The following SGSM1 variants were observed in gnomAD, a reference collection of about 807,000 sequenced individuals.
SGSM1 encodes the protein RUN and TBC1 domain containing 2.
Under a neutral mutation model 133.8 loss-of-function variants are expected in SGSM1, and 73 were observed. The observed-to-expected ratio is 0.55, with a 90% CI of 0.45 to 0.66. The LOEUF (loss-of-function observed/expected upper bound fraction) is 0.66. Among genes scored for constraint, SGSM1 ranks in the 30% least tolerant of loss-of-function variants. SGSM1 has a pLI of 0.00. For synonymous variants in SGSM1, 563 were observed against 573.0 expected, an observed-to-expected ratio of 0.98 and a Z score of 0.25; for missense variants, 1,213 against 1,448.1, an observed-to-expected ratio of 0.84 and a Z score of 2.64.
intron 9 of SGSM1, among the ~76,000 whole-genome samples, chr22:24,865,760 C>T (rs139712): frequency 0.073 from 11,097 of 151,814 alleles, 641 homozygotes; most frequent in African/African-American, 0.16. Context: ...GACTGCCATG[C>T]GGGGAGGGAG....
At chr22:24,814,424 A>G (rs1281953848) in intron 2 of SGSM1, among the ~76,000 whole-genome samples, 1 of 152,000 alleles carries the variant, frequency 6.6e-6, no homozygotes, top group African/African-American at 2.4e-5. Context: ...AGTTCGCCCT[A>G]AGGTCTCAGA....
intron 14 of SGSM1, among the ~76,000 whole-genome samples, chr22:24,880,002 C>T (rs1334609057): frequency 1.3e-5 from 2 of 152,122 alleles, no homozygotes; most frequent in African/African-American, 4.8e-5. Flanking sequence ...TATGATTATT[C>T]CTGTTTAACA....
intron 2 of SGSM1, among the ~76,000 whole-genome samples, chr22:24,838,256 T>A (rs778553726): frequency 6.6e-6 from 1 of 152,198 alleles, no homozygotes; most frequent in Non-Finnish European, 1.5e-5. Context: ...AGAAAGCCGA[T>A]CACTGAGATG....
At chr22:24,881,437 G>A (rs1344314461) in intron 14 of SGSM1, among the ~76,000 whole-genome samples, 6 of 134,976 alleles carry the variant, frequency 4.4e-5, no homozygotes, top group African/African-American at 1.4e-4. Flanking sequence ...GTGGTGGTGG[G>A]CGCCTGTAGT....
chr22:24,877,885 A>G (rs1397777158), intron 13 of SGSM1, among the ~76,000 whole-genome samples: 1 of 128,358 alleles, frequency 7.8e-6, no homozygotes, highest in East Asian at 2.2e-4. Flanking sequence ...ATCTTGGCTC[A>G]CTTCAACCTC....
At chr22:24,915,740 G>A (rs1318189965) in intron 22 of SGSM1, among the ~76,000 whole-genome samples, 1 of 152,146 alleles carries the variant, frequency 6.6e-6, no homozygotes, top group East Asian at 1.9e-4. Context: ...AATGTACAGT[G>A]AAATTATTAT....
rs59081499 is a variant in SGSM1, at chr22:24,821,237, A to G, written c.63+14753A>G. On this transcript the variant is annotated intron_variant, in intron 2 of 24. Coordinates refer to ENST00000400358, the MANE Select transcript of SGSM1 (RefSeq NM_001098497.3). ...TTTTTAGTAGAGATGGGGTTTGACC[A>G]TGTTAGCCAGGCTGGTCTCGAAATC... 7.7e-3 allele frequency among the ~76,000 whole-genome samples: 1,178 copies of G among 152,250 alleles called. 17 individuals carry two copies. Among genetic ancestry groups the G allele is most frequent in the African/African-American group, 0.026 (1,100 of 41,530 alleles).
intron 14 of SGSM1, among the ~76,000 whole-genome samples, chr22:24,879,924 G>A (rs737722): frequency 0.037 from 5,632 of 152,212 alleles, 125 homozygotes; most frequent in Middle Eastern, 0.054. Context: ...TGGGCAGAAA[G>A]AGCAGAAAGA....
Position 24,893,084 on chromosome 22 carries a change from G to A in SGSM1, c.1771-347G>A, listed in dbSNP as rs182150703. 3.4e-5 allele frequency among the ~76,000 whole-genome samples: 5 copies of A among 148,226 alleles called. No homozygotes were observed. The East Asian group carries it at 8.2e-4, about 24-fold the overall frequency. ...AAAGGAAGGAAGGAAGGAAGCGGAG[G>A]GGGGGGAGGGAAAGAAAAATAGAAA... is the stretch of plus-strand genomic sequence containing the variant. On this transcript the variant is annotated intron_variant, in intron 16 of 24. Transcript: ENST00000400358.
chr22:24,912,730 C>T lies in SGSM1; in HGVS notation c.2906C>T (p.Ala969Val), dbSNP rs199780735. The T allele has an allele frequency of 6.2e-7, 1 of 1,612,806 alleles. No homozygotes were observed. The highest frequency in any genetic ancestry group is 1.3e-5 in the African/African-American group (1 of 74,906). Residue 969 changes from alanine (A) to valine (V), a missense_variant, in exon 22 of 25, where the codon GCA becomes GTA. Transcript: ENST00000400358. Reference protein sequence around the residue: ...PHGGAMDTHFANMRSLIQILD... With the variant: ...PHGGAMDTHFVNMRSLIQILD... ...GGAGGCGCCATGGACACGCACTTTG[C>T]AAACATGAGATCGTTGATCCAGGTA...
chr22:24,824,285 A>G (rs1020055669), intron 2 of SGSM1, among the ~76,000 whole-genome samples: 6 of 152,204 alleles, frequency 3.9e-5, no homozygotes, highest in Admixed American at 6.5e-5. Context: ...CCTGGGTCAC[A>G]CAGAAGGAAT....
intron 2 of SGSM1, among the ~76,000 whole-genome samples, chr22:24,828,289 G>C (rs372543901): frequency 8.5e-4 from 129 of 152,256 alleles, no homozygotes; most frequent in African/African-American, 3.0e-3. Flanking sequence ...GGGAGAAATT[G>C]CATAAACTTT....
intron 2 of SGSM1, chr22:24,844,350 AC>A (rs1302619378): frequency 5.9e-5 from 9 of 152,418 alleles, no homozygotes; most frequent in Non-Finnish European, 1.2e-4. Context: ...ACATAGTGAA[AC>A]CCCGTCTGTA....
chr22:24,895,179 G>T (rs1932884812), intron 17 of SGSM1, 44 bp from the exon 18 acceptor site: 2 of 1,568,690 alleles, frequency 1.3e-6, no homozygotes, highest in Admixed American at 1.9e-5. Flanking sequence ...TCTGGGCCAG[G>T]GTGCAGCCTC....
chr22:24,921,439 A>G (rs1411584328), intron 24 of SGSM1, among the ~76,000 whole-genome samples: 8 of 152,162 alleles, frequency 5.3e-5, no homozygotes, highest in Admixed American at 4.6e-4. Context: ...TCAAGTGACT[A>G]TTCTATAACT....
At chr22:24,831,054 C>T (rs562517389) in intron 2 of SGSM1, among the ~76,000 whole-genome samples, 1 of 152,094 alleles carries the variant, frequency 6.6e-6, no homozygotes, top group Admixed American at 6.5e-5. Flanking sequence ...AGGCATTGCA[C>T]CATTTGCAGC....
intron 12 of SGSM1, among the ~76,000 whole-genome samples, chr22:24,869,731 G>A (rs1931672363): frequency 6.6e-6 from 1 of 152,174 alleles, no homozygotes; most frequent in South Asian, 2.1e-4. Context: ...ACCGGTAGAG[G>A]CGAAGCAGAG....
chr22:24,899,666 C>T (rs960719211), intron 19 of SGSM1, among the ~76,000 whole-genome samples: 11 of 151,718 alleles, frequency 7.3e-5, no homozygotes, highest in South Asian at 2.1e-4. Flanking sequence ...GGACTACAGG[C>T]GCCCGCCACC....
intron 2 of SGSM1, among the ~76,000 whole-genome samples, chr22:24,830,018 T>A (rs909823577): frequency 2.0e-5 from 3 of 151,816 alleles, no homozygotes; most frequent in African/African-American, 7.3e-5. Flanking sequence ...TCTTCCCCTG[T>A]CCACAGTCTG....
Sources: allele counts gnomAD v4.1 joint callset (sites outside exome capture counted in the v4.1 genomes callset), GRCh38; gene constraint gnomAD v4.1.1; transcripts MANE v1.5; gene names NCBI Gene and HGNC (gene_info 2026-07-23, HGNC 2026-07-21).